PLA2G4D: variants seen among roughly 807,000 people sequenced by gnomAD.
PLA2G4D encodes the protein cytosolic phospholipase A2 delta.
In PLA2G4D, 80 loss-of-function variants were observed where a neutral mutation model predicts 94.4. The observed-to-expected ratio is 0.85, with a 90% CI of 0.71 to 1.02. The LOEUF (loss-of-function observed/expected upper bound fraction) is 1.02. Among genes scored for constraint, PLA2G4D ranks in the 50% least tolerant of loss-of-function variants. The pLI is 0.00. For synonymous variants in PLA2G4D, 438 were observed against 440.9 expected (o/e 0.99, Z 0.08); for missense variants, 1,050 against 1,034.7 (o/e 1.01, Z -0.20).
intron 13 of PLA2G4D, among the ~76,000 whole-genome samples, chr15:42,074,573 A>G (rs1889883986): frequency 6.6e-6 from 1 of 152,216 alleles, no homozygotes; most frequent in Non-Finnish European, 1.5e-5. Flanking sequence ...TTTTTATAAA[A>G]ACCTAATCAA....
At chr15:42,076,286 G>T (rs1889924853) in intron 13 of PLA2G4D, among the ~76,000 whole-genome samples, 1 of 152,192 alleles carries the variant, frequency 6.6e-6, no homozygotes, top group East Asian at 1.9e-4. Context: ...CTATCCACAT[G>T]ATACCTGGAG....
Position 42,083,130 on chromosome 15 carries a change from G to A in PLA2G4D, c.672+68C>T. 7.1e-6 allele frequency: 11 copies of A among 1,558,846 alleles called. No homozygotes were observed. In the South Asian group the frequency reaches 1.1e-4, roughly 16 times the overall value. ...GGCCCTGGTGGGCAGGGAAGGCAGG[G>A]AGGGGCCCGCTGCAGCTGGAGCTGC... is the stretch of plus-strand genomic sequence containing the variant. On this transcript the variant is annotated intron_variant, in intron 8 of 19. Transcript: ENST00000290472.
rs1028931733 is a variant in PLA2G4D, at chr15:42,084,494, C to G, written c.471+602G>C. 6.6e-6 allele frequency among the ~76,000 whole-genome samples: 1 copy of G among 152,202 alleles called. No individual in the cohort carries two copies. The highest frequency in any genetic ancestry group is 1.5e-5 in the Non-Finnish European group (1 of 68,020). ...GTGCCTTCGCCCGTGACCCTGGACC[C>G]GCCTGCTCCCAGGTCTGTGCTGCTG... On this transcript the variant is annotated intron_variant, in intron 6 of 19. Transcript: ENST00000290472. This position sits in a 1 kb window ranked among gnomAD's most constrained non-coding sequence, Gnocchi z 4.8.
intron 9 of PLA2G4D, 50 bp from the exon 10 acceptor site, chr15:42,081,884 GCAC>G (rs1474194069): frequency 6.2e-7 from 1 of 1,603,608 alleles, no homozygotes; most frequent in Non-Finnish European, 8.5e-7. Context: ...ACCCTAAGCG[GCAC>G]ATGGGTATCC....
chr15:42,078,137 G>T (rs1461006508), intron 13 of PLA2G4D, among the ~76,000 whole-genome samples: 1 of 152,270 alleles, frequency 6.6e-6, no homozygotes, highest in Admixed American at 6.5e-5. Flanking sequence ...GGGTGGCCCT[G>T]CTCTGCAGGA....
At position 42,094,478 on chromosome 15, in the gene PLA2G4D, A is replaced by G. The variant is rs763379664; in HGVS notation, c.-19T>C. 3.1e-5 allele frequency: 50 copies of G among 1,613,428 alleles called. No homozygotes were observed. In the Admixed American group the frequency reaches 8.0e-4, roughly 26 times the overall value. The stretch of plus-strand genomic sequence containing the variant: ...TCTCCATGCTAGCCCTTCCAGCTTC[A>G]CTCCAGGCCCAGCCCTTGCCAAGAT... On this transcript the variant is annotated 5_prime_UTR_variant, in exon 1 of 20. It removes the in-frame stop codon of an upstream open reading frame in the 5' UTR. Coordinates refer to ENST00000290472, the MANE Select transcript of PLA2G4D (RefSeq NM_178034.4).
chr15:42,071,835 G>C lies in PLA2G4D; in HGVS notation c.1512C>G (p.Ser504=), dbSNP rs368579134. 6 of 1,614,152 alleles carry C rather than the reference G, an allele frequency of 3.7e-6. No individual in the cohort carries two copies. The highest frequency in any genetic ancestry group is 1.7e-5 in the Admixed American group (1 of 60,028). Residue 504 remains serine (S), a synonymous_variant, in exon 15 of 20, where the codon TCC becomes TCG. Coordinates refer to ENST00000290472, the MANE Select transcript of PLA2G4D (RefSeq NM_178034.4). The part of the protein sequence containing the change: ...GAFVPPELFG[S]EFFMGRLMRR... ...TCATCAGCCGTCCCATGAAGAACTCGGAGCCGAAGAGCTCAGGAGGGACGA... is the reference window on the plus strand; with the variant it reads ...TCATCAGCCGTCCCATGAAGAACTCCGAGCCGAAGAGCTCAGGAGGGACGA...
At chr15:42,073,060 T>C (rs1889858900) in intron 13 of PLA2G4D, among the ~76,000 whole-genome samples, 1 of 152,180 alleles carries the variant, frequency 6.6e-6, no homozygotes, top group Admixed American at 6.5e-5. Flanking sequence ...TGGAGTGCAG[T>C]GGTGCAATCT....
chr15:42,080,195 G>A (rs1890011069), intron 12 of PLA2G4D, among the ~76,000 whole-genome samples: 1 of 152,094 alleles, frequency 6.6e-6, no homozygotes, highest in African/African-American at 2.4e-5. Context: ...GTGGCTAGTG[G>A]CTACCATAGT....
In PLA2G4D at chr15:42,071,527, A is replaced by G. The variant is rs1269003750; in HGVS notation, c.1598T>C (p.Leu533Pro). Residue 533 changes from leucine to proline, a missense_variant, in exon 16 of 20, where the codon CTG becomes CCG. Physicochemically the swap from Leu to Pro is moderately conservative, Grantham distance 98. Coordinates refer to ENST00000290472, the MANE Select transcript of PLA2G4D (RefSeq NM_178034.4). ...LEAIWSNIFS[L>P]NLLDAWYDLT... ...GTCATACCAGGCATCCAGCAGGTTC[A>G]GGGAGAAAATGTTGCTCCAGATGGC... The G allele has an allele frequency of 6.2e-7, 1 of 1,613,688 alleles. No homozygotes were observed.
At chr15:42,077,593 T>C (rs74634247) in intron 13 of PLA2G4D, among the ~76,000 whole-genome samples, 2,367 of 152,366 alleles carry the variant, frequency 0.016, 63 homozygotes, top group African/African-American at 0.054. Flanking sequence ...CTTGTTTGAT[T>C]AACCTCTTAG....
Position 42,081,582 on chromosome 15 carries a change from T to C in PLA2G4D, c.854A>G (p.Asn285Ser), listed in dbSNP as rs373870696. ...GAAGGCCTGCTCCTCTGCACAGAGA[T>C]TGAAGCCCAGGTGCACGGCCAGCTC... The part of the protein sequence containing the change: ...PEELAVHLGF[N>S]LCAEEQAFLS... The change falls in exon 11 of 20, where the codon AAT becomes AGT. Residue 285 changes from asparagine (N) to serine (S), a missense_variant. Physicochemically the swap from Asn to Ser is conservative, Grantham distance 46. Coordinates refer to ENST00000290472, the MANE Select transcript of PLA2G4D (RefSeq NM_178034.4). 5 of 1,614,170 alleles carry C rather than the reference T, an allele frequency of 3.1e-6. No individual in the cohort carries two copies. The highest frequency in any genetic ancestry group is 4.2e-6 in the Non-Finnish European group (5 of 1,180,020).
intron 16 of PLA2G4D, 56 bp from the exon 17 acceptor site, chr15:42,071,373 A>G (rs1889812686): frequency 1.3e-6 from 2 of 1,566,198 alleles, no homozygotes; most frequent in Non-Finnish European, 8.7e-7. Context: ...TTCCCCTCAG[A>G]CACCGCACAC....
intron 2 of PLA2G4D, 24 bp from the exon 3 acceptor site, chr15:42,087,460 G>T (rs760922728): frequency 6.2e-7 from 1 of 1,613,592 alleles, no homozygotes; most frequent in African/African-American, 1.3e-5. Context: ...GGAAGTCTTC[G>T]TGAGGGAGTA....
rs1890098782 is a variant in PLA2G4D, at chr15:42,084,278, C to A, written c.472-499G>T. 6.6e-6 allele frequency among the ~76,000 whole-genome samples: 1 copy of A among 152,168 alleles called. No individual in the cohort carries two copies. The highest frequency in any genetic ancestry group is 2.4e-5 in the African/African-American group (1 of 41,442). ...GCCTTGCCAAGGGAGCCTCTGCATG[C>A]TGTCTGTGAAGCATACCAGCAGATG... On this transcript the variant is annotated intron_variant, in intron 6 of 19. Transcript: ENST00000290472. The surrounding 1 kb of genome is among the most constrained non-coding windows in gnomAD (Gnocchi z 4.8).
At chr15:42,089,750 T>C (rs773591187) in intron 1 of PLA2G4D, among the ~76,000 whole-genome samples, 7 of 152,128 alleles carry the variant, frequency 4.6e-5, no homozygotes, top group Non-Finnish European at 8.8e-5. Context: ...CAGCCCAGCC[T>C]CGCTCCCCTG....
rs145771019 is a variant in PLA2G4D, at chr15:42,072,146, C to T, written c.1435+129G>A. On this transcript the variant is annotated intron_variant, in intron 14 of 19. Coordinates refer to ENST00000290472, the MANE Select transcript of PLA2G4D (RefSeq NM_178034.4). ...GCACAGAGAGATGCCCTGAGCCCCTCAGCACCACTGCCCTTCCGGAACATT... is the reference window on the plus strand; with the variant it reads ...GCACAGAGAGATGCCCTGAGCCCCTTAGCACCACTGCCCTTCCGGAACATT... The T allele has an allele frequency of 8.2e-5, 84 of 1,020,462 alleles. No individual in the cohort carries two copies. The East Asian group carries it at 1.4e-3, about 17-fold the overall frequency. 63.2% of individuals were successfully genotyped at this position (1,020,462 alleles called of 1,614,324 possible).
In PLA2G4D at chr15:42,084,005, C is replaced by T. The variant is rs1207237775; in HGVS notation, c.472-226G>A. The T allele has an allele frequency of 1.8e-6, 1 of 557,436 alleles. No individual in the cohort carries two copies. The highest frequency in any genetic ancestry group is 2.2e-5 in the South Asian group (1 of 44,870). 34.5% of individuals were successfully genotyped at this position (557,436 alleles called of 1,614,324 possible). On this transcript the variant is annotated intron_variant, in intron 6 of 19. Transcript: ENST00000290472. This position sits in a 1 kb window ranked among gnomAD's most constrained non-coding sequence, Gnocchi z 4.8. ...GGAGGGCCCTGGCTCCACACCTCCCCTCCAGCTCCCCTGGCTTTGCCAAAC... is the reference window on the plus strand; with the variant it reads ...GGAGGGCCCTGGCTCCACACCTCCCTTCCAGCTCCCCTGGCTTTGCCAAAC...
chr15:42,086,194 T>TTCCCTCC lies in PLA2G4D; in HGVS notation c.387+18_387+19insGGAGGGA. On this transcript the variant is annotated intron_variant, in intron 4 of 19. Transcript: ENST00000290472. ...GGAAGAAGTGGGGCCCACGGGGACT[T>TTCCCTCC]CCCCACCCACCCACCCACCTGGGGA... 7.3e-7 allele frequency: 1 copy of TTCCCTCC among 1,370,444 alleles called. No homozygotes were observed. Among genetic ancestry groups the TTCCCTCC allele is most frequent in the Non-Finnish European group, 9.6e-7 (1 of 1,043,084 alleles). 84.9% of individuals were successfully genotyped at this position (1,370,444 alleles called of 1,614,324 possible). A position where few individuals can be genotyped will look rare whatever the true frequency, so the allele number is the denominator to read the frequency against.
Sources: gnomAD v4.1 joint callset for allele counts (sites outside exome capture counted in the v4.1 genomes callset) on GRCh38, gnomAD v4.1.1 for gene constraint, Gnocchi (gnomAD v3.1) non-coding constraint, MANE v1.5 for transcripts, NCBI Gene and HGNC (gene_info 2026-07-23, HGNC 2026-07-21) for gene names.